SLC2A9: variants seen among roughly 807,000 people sequenced by gnomAD.
The protein encoded by SLC2A9 is solute carrier family 2 member 9, also known as solute carrier family 2, facilitated glucose transporter member 9.
Under a neutral mutation model 50.6 loss-of-function variants are expected in SLC2A9, and 39 were observed. The observed-to-expected ratio is 0.77, with a 90% confidence interval of 0.60 to 1.01. The LOEUF is 1.01. Ranked by LOEUF, SLC2A9 falls within the 50% of genes least tolerant of loss-of-function variation. SLC2A9 has a pLI of 0.00. For missense variants in SLC2A9, 686 were observed against 677.6 expected, an observed-to-expected ratio of 1.01 and a Z score of -0.14; for synonymous variants, 324 against 276.9, an observed-to-expected ratio of 1.17 and a Z score of -1.69.
intron 4 of SLC2A9, among the ~76,000 whole-genome samples, chr4:9,983,476 C>A (rs1317380887): frequency 6.6e-6 from 1 of 152,184 alleles, no homozygotes; most frequent in Non-Finnish European, 1.5e-5. Flanking sequence ...CAGCCCAGGC[C>A]CCCCTGGCCC....
chr4:9,930,110 C>T lies in SLC2A9; in HGVS notation c.815-9538G>A, dbSNP rs184861202. On this transcript the variant is annotated intron_variant, in intron 6 of 11. Transcript: ENST00000264784. The stretch of plus-strand genomic sequence containing the variant: ...CAGAGCTTTGGAATGCTGTCCTCCC[C>T]GCAAATCCTGCCTGTCTCTCTCCCC... Among the ~76,000 whole-genome samples the T allele has an allele frequency of 1.6e-3, 250 of 152,276 alleles. 1 individual carries two copies. The highest frequency in any genetic ancestry group is 5.8e-3 in the African/African-American group (243 of 41,546).
At chr4:9,989,719 C>T (rs1486308593) in intron 3 of SLC2A9, among the ~76,000 whole-genome samples, 1 of 152,108 alleles carries the variant, frequency 6.6e-6, no homozygotes, top group Non-Finnish European at 1.5e-5. Context: ...CCATTTTGCT[C>T]AGAGGAAGAG....
At chr4:9,877,840 C>A (rs2109588320) in intron 10 of SLC2A9, among the ~76,000 whole-genome samples, 1 of 152,296 alleles carries the variant, frequency 6.6e-6, no homozygotes, top group South Asian at 2.1e-4. Context: ...TGGACACAGC[C>A]TTTACCCCTT....
chr4:9,831,282 G>C (rs1441610729), intron 11 of SLC2A9, among the ~76,000 whole-genome samples: 4 of 152,124 alleles, frequency 2.6e-5, no homozygotes, highest in African/African-American at 7.2e-5. Context: ...GTTGAAATGA[G>C]GTCATTAGGG....
chr4:9,791,095 C>A (rs1426750424), intron 3 of SLC2A9, among the ~76,000 whole-genome samples: 3 of 152,138 alleles, frequency 2.0e-5, no homozygotes, highest in Non-Finnish European at 4.4e-5. Flanking sequence ...CCCTAGAGGT[C>A]CTTTTAGAGG....
chr4:9,796,526 A>T (rs773568631), downstream of SLC2A9, among the ~76,000 whole-genome samples: 1 of 152,230 alleles, frequency 6.6e-6, no homozygotes, highest in Non-Finnish European at 1.5e-5. Context: ...TATATAAAGG[A>T]CTTAGAACAA....
Position 9,783,523 on chromosome 4 carries a change from A to G in SLC2A9, n.386-3458T>C. The G allele has an allele frequency of 6.9e-6, 10 of 1,459,356 alleles. 1 individual carries two copies. The South Asian group carries it at 1.2e-4, about 17-fold the overall frequency. The allele number at this position is 1,459,356 out of a possible 1,614,324, so 90.4% of individuals were successfully genotyped here. ...ACCGCACAGACATTGACAAGCACGC[A>G]CACACACGCAAATACATGCCTTTCC... On this transcript the variant is annotated intron_variant and non_coding_transcript_variant, in intron 3 of 3. Transcript: ENST00000503803.
At chr4:9,859,146 G>A (rs187945857) in intron 10 of SLC2A9, among the ~76,000 whole-genome samples, 4 of 152,282 alleles carry the variant, frequency 2.6e-5, no homozygotes, top group African/African-American at 9.6e-5. Flanking sequence ...CTTGCAAATG[G>A]TCTATCGTGG....
At chr4:9,869,169 AC>A (rs1732992764) in intron 10 of SLC2A9, among the ~76,000 whole-genome samples, 1 of 152,226 alleles carries the variant, frequency 6.6e-6, no homozygotes, top group African/African-American at 2.4e-5. Flanking sequence ...CGGGATCTGG[AC>A]TTTTCCACAG....
intron 6 of SLC2A9, among the ~76,000 whole-genome samples, chr4:9,929,481 C>T (rs1745505807): frequency 6.6e-6 from 1 of 152,224 alleles, no homozygotes; most frequent in Admixed American, 6.5e-5. Context: ...CCCTGAATGT[C>T]TACACTGCGC....
rs767251565 is a variant in SLC2A9 at position 9,980,743 on chromosome 4, G to A, written c.536-6C>T. On this transcript the variant is annotated splice_polypyrimidine_tract_variant and splice_region_variant and intron_variant, in intron 4 of 11. Transcript: ENST00000264784. ...GAGCACACTGAGGGCGACGCCTGTA[G>A]AGAGAAAGCATAGCAGCAGTTAGAG... 6.2e-7 allele frequency: 1 copy of A among 1,614,148 alleles called. No individual in the cohort carries two copies. Among genetic ancestry groups the A allele is most frequent in the East Asian group, 2.2e-5 (1 of 44,872 alleles).
chr4:9,923,558 G>A (rs1191032207), intron 6 of SLC2A9, among the ~76,000 whole-genome samples: 2 of 152,172 alleles, frequency 1.3e-5, no homozygotes, highest in Non-Finnish European at 2.9e-5. Context: ...GCAGGGTTCG[G>A]CACAGCACGG....
chr4:9,994,712 T>G (rs965856404), intron 3 of SLC2A9, among the ~76,000 whole-genome samples: 3 of 152,038 alleles, frequency 2.0e-5, no homozygotes, highest in African/African-American at 7.2e-5. Context: ...AGTCAGGACT[T>G]GCTGAGCCAC....
intron 6 of SLC2A9, among the ~76,000 whole-genome samples, chr4:9,935,676 G>A (rs1275902359): frequency 6.6e-6 from 1 of 152,214 alleles, no homozygotes; most frequent in Non-Finnish European, 1.5e-5. Flanking sequence ...TGCTGTCCAA[G>A]AAGTCATTGG....
intron 5 of SLC2A9, among the ~76,000 whole-genome samples, chr4:9,958,835 T>C (rs6449158): frequency 0.47 from 71,884 of 151,834 alleles, 18,134 homozygotes; most frequent in African/African-American, 0.64. Context: ...ATCTGTGATA[T>C]ACTTAAGAAT....
chr4:9,963,043 T>C (rs1033099885), intron 5 of SLC2A9, among the ~76,000 whole-genome samples: 1 of 152,114 alleles, frequency 6.6e-6, no homozygotes, highest in Non-Finnish European at 1.5e-5. Context: ...ATTAGGGCCA[T>C]TAGGAAAGAG....
intron 5 of SLC2A9, among the ~76,000 whole-genome samples, chr4:9,944,579 G>GA (rs922765828): frequency 6.6e-6 from 1 of 152,200 alleles, no homozygotes; most frequent in Non-Finnish European, 1.5e-5. Context: ...CCCGGATTGG[G>GA]ATGCCAACAT....
chr4:9,843,406 T>C (rs1728415166), intron 10 of SLC2A9, among the ~76,000 whole-genome samples: 1 of 151,938 alleles, frequency 6.6e-6, no homozygotes, highest in South Asian at 2.1e-4. Flanking sequence ...ATTAAGAACA[T>C]GGGGTGGAGG....
At chr4:9,802,939 G>C (rs1721652405) in intron 3 of SLC2A9, among the ~76,000 whole-genome samples, 1 of 152,138 alleles carries the variant, frequency 6.6e-6, no homozygotes, top group Non-Finnish European at 1.5e-5. Flanking sequence ...CCTTTCCGAA[G>C]ACCCCAATTA....
Sources: gnomAD v4.1 joint callset for allele counts (sites outside exome capture counted in the v4.1 genomes callset) on GRCh38, gnomAD v4.1.1 for gene constraint, MANE v1.5 for transcripts, NCBI Gene and HGNC (gene_info 2026-07-23, HGNC 2026-07-21) for gene names.